The following TSR1 variants were observed in gnomAD, a reference collection of about 807,000 sequenced individuals.
TSR1 encodes the protein TSR1 ribosome maturation factor, also known as pre-rRNA-processing protein TSR1 homolog.
TSR1 carries 81 observed loss-of-function variants against 90.9 expected under a neutral mutation model. The observed-to-expected ratio is 0.89, with a 90% confidence interval of 0.74 to 1.07. The LOEUF is 1.07. Among genes scored for constraint, TSR1 ranks in the 50% least tolerant of loss-of-function variants. TSR1 has a pLI of 0.00. For missense variants in TSR1, 989 were observed against 987.3 expected (o/e 1.00, Z -0.02); for synonymous variants, 362 against 348.8 (o/e 1.04, Z -0.42).
Position 2,336,326 on chromosome 17 carries a change from C to T in TSR1, c.97+5G>A, listed in dbSNP as rs1362478098. The T allele has an allele frequency of 3.1e-6, 5 of 1,614,204 alleles. No homozygotes were observed. The highest frequency in any genetic ancestry group is 1.1e-5 in the South Asian group (1 of 91,088). Reference sequence around the variant, plus strand: ...GCCCTTATTCCTTCTACGTTATCTCCTTACCCTTGCCGTCCCGCTGTGCAG... The same window carrying T: ...GCCCTTATTCCTTCTACGTTATCTCTTTACCCTTGCCGTCCCGCTGTGCAG... On this transcript the variant is annotated splice_donor_5th_base_variant and intron_variant, in intron 1 of 14. Coordinates refer to ENST00000301364, the MANE Select transcript of TSR1 (RefSeq NM_018128.5).
intron 11 of TSR1, among the ~76,000 whole-genome samples, chr17:2,328,204 T>C (rs891321699): frequency 1.4e-5 from 2 of 139,392 alleles, no homozygotes; most frequent in African/African-American, 2.8e-5. Flanking sequence ...GATTGCACCA[T>C]TGCACTCCAG....
At chr17:2,333,388 G>T in intron 6 of TSR1, 169 bp downstream of exon 6, 1 of 931,576 alleles carries the variant, frequency 1.1e-6, no homozygotes, top group Non-Finnish European at 1.7e-6. Context: ...AATGGAACAA[G>T]ACTGTGTATA....
intron 12 of TSR1, 122 bp from the exon 13 acceptor site, chr17:2,324,951 G>T: frequency 8.8e-7 from 1 of 1,134,658 alleles, no homozygotes. Context: ...AGCCCAATCT[G>T]AGGCTAAGAT....
rs373777758 is a variant in TSR1 at position 2,334,656 on chromosome 17, T to C, written c.797A>G (p.Asn266Ser). Residue 266 changes from asparagine (N) to serine (S), a missense_variant, in exon 5 of 15, where the codon AAT becomes AGT. Physicochemically the swap from Asn to Ser is conservative, Grantham distance 46 (BLOSUM62 1). Transcript: ENST00000301364. ...AATTTTCAAGGTGCCCACCAAGTTA[T>C]TCTCTTCACTAGGAACAAAATCAAC... ...HAVDFVPSEE[N>S]NLVGTLKISG... The C allele has an allele frequency of 6.2e-7, 1 of 1,613,796 alleles. No individual in the cohort carries two copies. The highest frequency in any genetic ancestry group is 8.5e-7 in the Non-Finnish European group (1 of 1,180,042).
At position 2,326,438 on chromosome 17, in the gene TSR1, T is replaced by C. The variant is rs115424327; in HGVS notation, c.1904-1018A>G. Among the ~76,000 whole-genome samples the C allele has an allele frequency of 9.3e-3, 1,422 of 152,166 alleles. 21 individuals carry two copies. The highest frequency in any genetic ancestry group is 0.032 in the African/African-American group (1,348 of 41,516). On this transcript the variant is annotated intron_variant, in intron 11 of 14. Transcript: ENST00000301364. Reference sequence around the variant, plus strand: ...TCCCGTCCAGTAGTCTCTCAGTATCTCAGGACCCCTACCTCTGCTTTACCC... The same window carrying C: ...TCCCGTCCAGTAGTCTCTCAGTATCCCAGGACCCCTACCTCTGCTTTACCC...
chr17:2,330,383 T>C, intron 10 of TSR1, 132 bp downstream of exon 10: 1 of 805,352 alleles, frequency 1.2e-6, no homozygotes, highest in Admixed American at 1.7e-5. Context: ...ATTCTCCAAT[T>C]CCTAATCATA....
chr17:2,336,414 C>A lies in TSR1; in HGVS notation c.14G>T (p.Arg5Leu), dbSNP rs1217103776. ...ATTCTGCTGCTTGAGCGGGCCGGGGCGGTGGGCCGCCATGCCGCAGCGCGC... is the reference window on the plus strand; with the variant it reads ...ATTCTGCTGCTTGAGCGGGCCGGGGAGGTGGGCCGCCATGCCGCAGCGCGC... MAAH[R>L]PGPLKQQNKA... is the part of the protein sequence containing the mutation. Residue 5 changes from arginine (R) to leucine (L), a missense_variant, in exon 1 of 15, where the codon CGC becomes CTC. Arg to Leu is a moderately radical substitution (Grantham distance 102). Coordinates refer to ENST00000301364, the MANE Select transcript of TSR1 (RefSeq NM_018128.5). 3 of 1,611,126 alleles carry A rather than the reference C, an allele frequency of 1.9e-6. No individual in the cohort carries two copies. The highest frequency in any genetic ancestry group is 2.5e-6 in the Non-Finnish European group (3 of 1,179,878).
At position 2,333,127 on chromosome 17, in the gene TSR1, G is replaced by T. The variant is rs757598483; in HGVS notation, c.1142-3C>A. ...CTTAGAACTTTCCTTCAAGAAATCT[G>T]TAAAAGCCCAAACAAATTAAGTAAA... On this transcript the variant is annotated splice_region_variant and splice_polypyrimidine_tract_variant and intron_variant, in intron 6 of 14. Coordinates refer to ENST00000301364, the MANE Select transcript of TSR1 (RefSeq NM_018128.5). 30 of 1,613,012 alleles carry T rather than the reference G, an allele frequency of 1.9e-5. No homozygotes were observed. In the East Asian group the frequency reaches 6.7e-4, roughly 36 times the overall value.
In TSR1 at chr17:2,324,388, A is replaced by G. The variant is rs770379657; in HGVS notation, c.2237-14T>C. ...GGCCATGGGTACCTAGAAAGACATC[A>G]GAACAAGTCGGTCAAATTAAAAGTA... On this transcript the variant is annotated splice_polypyrimidine_tract_variant and intron_variant, in intron 14 of 14. Coordinates refer to ENST00000301364, the MANE Select transcript of TSR1 (RefSeq NM_018128.5). The G allele has an allele frequency of 6.3e-7, 1 of 1,584,262 alleles. No individual in the cohort carries two copies. Among genetic ancestry groups the G allele is most frequent in the Non-Finnish European group, 8.6e-7 (1 of 1,167,150 alleles).
Position 2,332,854 on chromosome 17 carries a change from A to T in TSR1, c.1305+107T>A, listed in dbSNP as rs532167655. ...TCCGTCTCATAAAAAAAAAATAAAA[A>T]AAATAAAAAAAAGAAACTAACCACA... On this transcript the variant is annotated intron_variant, in intron 7 of 14. Transcript: ENST00000301364. The T allele has an allele frequency of 9.2e-6, 11 of 1,198,160 alleles. No individual in the cohort carries two copies. The Admixed American group carries it at 1.3e-4, about 14-fold the overall frequency. The allele number at this position is 1,198,160 out of a possible 1,614,324, so 74.2% of individuals were successfully genotyped here. A position where few individuals can be genotyped will look rare whatever the true frequency, so the allele number is the denominator to read the frequency against.
chr17:2,335,215 G>C, intron 4 of TSR1, 45 bp downstream of exon 4: 3 of 1,585,194 alleles, frequency 1.9e-6, no homozygotes, highest in Non-Finnish European at 2.6e-6. Flanking sequence ...ACCAGGCATA[G>C]TGCCTGACAA....
intron 10 of TSR1, among the ~76,000 whole-genome samples, chr17:2,329,761 G>C (rs189033362): frequency 1.3e-4 from 19 of 151,992 alleles, no homozygotes; most frequent in Admixed American, 2.0e-4. Flanking sequence ...ACAAAAATCA[G>C]TGGCCTTCAA....
intron 10 of TSR1, 50 bp downstream of exon 10, chr17:2,330,465 C>G: frequency 1.3e-6 from 2 of 1,536,380 alleles, no homozygotes; most frequent in Non-Finnish European, 1.8e-6. Context: ...CTGTCAGAAG[C>G]AGCTGGAAAG....
At chr17:2,324,929 C>A in intron 12 of TSR1, 100 bp from the exon 13 acceptor site, 2 of 1,371,310 alleles carry the variant, frequency 1.5e-6, no homozygotes, top group South Asian at 2.9e-5. Flanking sequence ...CCTGGTTTGT[C>A]ATCCCTGCCC....
chr17:2,322,819 T>G lies in TSR1; in HGVS notation c.*1377A>C. 2.4e-5 allele frequency: 8 copies of G among 337,390 alleles called. No individual in the cohort carries two copies. Among genetic ancestry groups the G allele is most frequent in the Non-Finnish European group, 3.4e-5 (6 of 175,534 alleles). 20.9% of individuals were successfully genotyped at this position (337,390 alleles called of 1,614,324 possible). ...GCGTGAGCCACTGCGCCCCACCCCATTTTGGTGTGATCTCAGCTCACTGCA... is the reference window on the plus strand; with the variant it reads ...GCGTGAGCCACTGCGCCCCACCCCAGTTTGGTGTGATCTCAGCTCACTGCA... On this transcript the variant is annotated 3_prime_UTR_variant, in exon 15 of 15. Coordinates refer to ENST00000301364, the MANE Select transcript of TSR1 (RefSeq NM_018128.5).
chr17:2,323,033 G>T lies in TSR1; in HGVS notation c.*1163C>A. The T allele has an allele frequency of 8.2e-7, 1 of 1,226,238 alleles. No homozygotes were observed. The highest frequency in any genetic ancestry group is 1.2e-6 in the Non-Finnish European group (1 of 854,742). 76.0% of individuals were successfully genotyped at this position (1,226,238 alleles called of 1,614,324 possible). ...ACCCGCCTCGGGCTCCCAAAGTGTT[G>T]GGATTACAGGTGTGAGCCACCACAC... On this transcript the variant is annotated 3_prime_UTR_variant, in exon 15 of 15. Coordinates refer to ENST00000301364, the MANE Select transcript of TSR1 (RefSeq NM_018128.5).
At position 2,324,158 on chromosome 17, in the gene TSR1, C is replaced by A. The variant is rs746077123; in HGVS notation, c.*38G>T. The stretch of plus-strand genomic sequence containing the variant: ...ACTTGTGCCTCCCATCCCTGGAGTA[C>A]TGACTGGCACCGGTAAGACAGAATC... On this transcript the variant is annotated 3_prime_UTR_variant, in exon 15 of 15. Transcript: ENST00000301364. 41 of 1,511,694 alleles carry A rather than the reference C, an allele frequency of 2.7e-5. No individual in the cohort carries two copies. The highest frequency in any genetic ancestry group is 4.7e-5 in the Admixed American group (2 of 42,662). 93.6% of individuals were successfully genotyped at this position (1,511,694 alleles called of 1,614,324 possible).
chr17:2,336,181 C>G, intron 1 of TSR1, 41 bp from the exon 2 acceptor site: 1 of 1,606,178 alleles, frequency 6.2e-7, no homozygotes, highest in Non-Finnish European at 8.5e-7. Context: ...ATCGGCCCCA[C>G]AAGGTCAAGA....
Position 2,336,440 on chromosome 17 carries a change from G to T in TSR1, c.-13C>A. 2 of 1,607,766 alleles carry T rather than the reference G, an allele frequency of 1.2e-6. No homozygotes were observed. The highest frequency in any genetic ancestry group is 1.1e-5 in the South Asian group (1 of 90,872). On this transcript the variant is annotated 5_prime_UTR_variant, in exon 1 of 15. Coordinates refer to ENST00000301364, the MANE Select transcript of TSR1 (RefSeq NM_018128.5). ...GGTGGGCCGCCATGCCGCAGCGCGC[G>T]TGTACGGAGTCAGCACTGCTTCCGG...
Sources: gnomAD v4.1 joint callset for allele counts (sites outside exome capture counted in the v4.1 genomes callset) on GRCh38, gnomAD v4.1.1 for gene constraint, MANE v1.5 for transcripts, NCBI Gene and HGNC (gene_info 2026-07-23, HGNC 2026-07-21) for gene names.